Variants in SMAD9 observed in about 807,000 individuals in gnomAD.
SMAD9 encodes SMAD family member 9.
A neutral mutation model predicts 46.1 loss-of-function variants in SMAD9; 36 were observed. The observed-to-expected ratio is 0.78, with a 90% confidence interval of 0.60 to 1.03. The LOEUF (loss-of-function observed/expected upper bound fraction) is 1.03. SMAD9 is among the 50% of genes least tolerant of loss of function. The probability of loss-of-function intolerance (pLI) is 0.00; values close to 1 mark genes in which losing one functional copy is unlikely to be tolerated. For missense variants in SMAD9, 572 were observed against 599.8 expected (o/e 0.95, Z 0.48); for synonymous variants, 245 against 237.1 (o/e 1.03, Z -0.31).
intron 6 of SMAD9, chr13:36,852,514 C>A: frequency 1.0e-6 from 1 of 984,832 alleles, no homozygotes; most frequent in Non-Finnish European, 1.2e-6. Flanking sequence ...GCCTTCATAG[C>A]AACCTTAATA....
intron 5 of SMAD9, among the ~76,000 whole-genome samples, 163 bp from the exon 6 acceptor site, chr13:36,853,838 T>G (rs962252275): frequency 6.6e-6 from 1 of 152,158 alleles, no homozygotes; most frequent in Non-Finnish European, 1.5e-5. Flanking sequence ...TTAATGATAA[T>G]CTGTGCTTTT....
At chr13:36,898,998 G>C (rs955458994) in intron 1 of SMAD9, among the ~76,000 whole-genome samples, 1 of 151,914 alleles carries the variant, frequency 6.6e-6, no homozygotes, top group African/African-American at 2.4e-5. Context: ...GCAACAGAAA[G>C]AACAAAGTAA....
chr13:36,858,408 T>C (rs959405671), intron 5 of SMAD9, among the ~76,000 whole-genome samples: 6 of 152,180 alleles, frequency 3.9e-5, no homozygotes, highest in African/African-American at 9.7e-5. Flanking sequence ...GTAATTTCTC[T>C]TGAGGAAGAG....
At chr13:36,875,854 A>C (rs1344277776) in intron 2 of SMAD9, among the ~76,000 whole-genome samples, 1 of 152,190 alleles carries the variant, frequency 6.6e-6, no homozygotes, top group East Asian at 1.9e-4. Flanking sequence ...CACCAAGAGA[A>C]AAGAAAGGAT....
intron 3 of SMAD9, among the ~76,000 whole-genome samples, chr13:36,871,193 C>T (rs1473953364): frequency 6.6e-6 from 1 of 152,188 alleles, no homozygotes; most frequent in Non-Finnish European, 1.5e-5. Flanking sequence ...AAAACCTGTG[C>T]CTATGGTCTG....
intron 1 of SMAD9, among the ~76,000 whole-genome samples, chr13:36,903,276 G>A (rs755876814): frequency 1.1e-4 from 16 of 151,970 alleles, no homozygotes; most frequent in Admixed American, 4.6e-4. Flanking sequence ...ACGGGCACGC[G>A]CCACCACACC....
In SMAD9 at chr13:36,863,063, C is replaced by T. The variant is rs613766; in HGVS notation, c.1003+2474G>A. Among the ~76,000 whole-genome samples the T allele has an allele frequency of 9.3e-3, 1,417 of 152,288 alleles. 24 individuals carry two copies. The highest frequency in any genetic ancestry group is 0.031 in the African/African-American group (1,299 of 41,560). On this transcript the variant is annotated intron_variant, in intron 5 of 6. Coordinates refer to ENST00000379826, the MANE Select transcript of SMAD9 (RefSeq NM_001127217.3). ...ATTACTAAAACCTAATGTCTGTTAA[C>T]TAACTCCACAGAGCAAGTTAACTCA...
At chr13:36,862,422 T>C (rs923275133) in intron 5 of SMAD9, among the ~76,000 whole-genome samples, 2 of 152,210 alleles carry the variant, frequency 1.3e-5, no homozygotes, top group Non-Finnish European at 2.9e-5. Flanking sequence ...CTAATTATAA[T>C]GCATCAGCAT....
intron 1 of SMAD9, among the ~76,000 whole-genome samples, chr13:36,891,867 C>T (rs945860752): frequency 2.0e-5 from 3 of 152,216 alleles, no homozygotes; most frequent in East Asian, 1.9e-4. Flanking sequence ...AGTCCCACCA[C>T]ACAAACAAGC....
chr13:36,904,436 T>C (rs1022833802), intron 1 of SMAD9, among the ~76,000 whole-genome samples: 3 of 152,348 alleles, frequency 2.0e-5, no homozygotes, highest in South Asian at 4.1e-4. Flanking sequence ...AATTGCCCTA[T>C]GCAATCATCC....
intron 1 of SMAD9, among the ~76,000 whole-genome samples, chr13:36,884,336 C>G (rs999667159): frequency 1.3e-5 from 2 of 152,202 alleles, no homozygotes; most frequent in African/African-American, 4.8e-5. Flanking sequence ...CCAGATCCCC[C>G]ACAAAGCCTC....
intron 1 of SMAD9, among the ~76,000 whole-genome samples, chr13:36,906,870 C>T (rs373556796): frequency 2.0e-5 from 3 of 152,052 alleles, no homozygotes; most frequent in Admixed American, 1.3e-4. Context: ...AAAAAGTAAA[C>T]GTAGAATTAC....
chr13:36,845,758 T>C lies in SMAD9; in HGVS notation c.*2918A>G, dbSNP rs1044932246. 4 of 152,186 alleles carry C rather than the reference T, an allele frequency of 2.6e-5. No homozygotes were observed. The highest frequency in any genetic ancestry group is 9.6e-5 in the African/African-American group (4 of 41,452). The allele number at this position is 152,186 out of a possible 1,614,324, so 9.4% of individuals were successfully genotyped here. On this transcript the variant is annotated 3_prime_UTR_variant, in exon 7 of 7. Transcript: ENST00000379826. The stretch of plus-strand genomic sequence containing the variant: ...GAAAAAGCTGATTAAAATATGATTG[T>C]GTTACAATGACTAAAGGGTTAACTT...
rs2058235281 is a variant in SMAD9, at chr13:36,866,447, A to G, written c.782-689T>C. ...TAAGTCACTTTCCTGTAACTAACCA[A>G]AGTTCAGAGTTCCTTCTTTCTTTGC... On this transcript the variant is annotated intron_variant, in intron 4 of 6. Transcript: ENST00000379826. Among the ~76,000 whole-genome samples, 3 of 152,178 alleles carry G rather than the reference A, an allele frequency of 2.0e-5. No homozygotes were observed. The Middle Eastern group carries it at 0.01, about 518-fold the overall frequency.
At chr13:36,909,827 T>C (rs1291184804) in intron 1 of SMAD9, among the ~76,000 whole-genome samples, 1 of 152,184 alleles carries the variant, frequency 6.6e-6, no homozygotes, top group African/African-American at 2.4e-5. Context: ...TAATATTGTA[T>C]ATTACCAACA....
At chr13:36,873,743 A>G (rs911584228) in intron 2 of SMAD9, among the ~76,000 whole-genome samples, 5 of 152,068 alleles carry the variant, frequency 3.3e-5, no homozygotes, top group Non-Finnish European at 7.4e-5. Flanking sequence ...GGCACCTGTA[A>G]TCCCAGCTAT....
intron 1 of SMAD9, among the ~76,000 whole-genome samples, chr13:36,911,835 A>G (rs1415062256): frequency 9.2e-5 from 14 of 152,150 alleles, no homozygotes; most frequent in Non-Finnish European, 1.9e-4. Flanking sequence ...CAGCCTCCCC[A>G]GTAGCTGGGA....
At chr13:36,918,019 T>C (rs1359380386) in intron 1 of SMAD9, among the ~76,000 whole-genome samples, 1 of 152,232 alleles carries the variant, frequency 6.6e-6, no homozygotes, top group Non-Finnish European at 1.5e-5. Context: ...GTTTATTACT[T>C]ATGGATATCT....
At chr13:36,872,609 G>A in intron 3 of SMAD9, 49 bp downstream of exon 3, 1 of 1,597,638 alleles carries the variant, frequency 6.3e-7, no homozygotes, top group Non-Finnish European at 8.6e-7. Flanking sequence ...AAATCATGAT[G>A]TTGGGCTTAT....
Sources: allele counts gnomAD v4.1 joint callset (sites outside exome capture counted in the v4.1 genomes callset), GRCh38; gene constraint gnomAD v4.1.1; transcripts MANE v1.5; gene names NCBI Gene and HGNC (gene_info 2026-07-23, HGNC 2026-07-21).